The following CCZ1 variants were observed in gnomAD, a reference collection of about 807,000 sequenced individuals.
CCZ1 encodes CCZ1 vacuolar protein trafficking and biogenesis associated.
In CCZ1, 19 loss-of-function variants were observed where a neutral mutation model predicts 57.8. The ratio of observed to expected loss-of-function variants is 0.33; its 90% CI spans 0.23 to 0.48. CCZ1 has a LOEUF of 0.48. Among genes scored for constraint, CCZ1 ranks in the 20% least tolerant of loss-of-function variants. The pLI is 0.99. For missense variants in CCZ1, 200 were observed against 492.0 expected (o/e 0.41, Z 5.61); for synonymous variants, 81 against 167.0 (o/e 0.49, Z 3.97).
chr7:5,911,418 T>C (rs1178531107), intron 8 of CCZ1, among the ~76,000 whole-genome samples: 1 of 148,842 alleles, frequency 6.7e-6, no homozygotes, highest in Admixed American at 6.6e-5. Flanking sequence ...TCGTGTCACC[T>C]CAGCCTCCCA....
chr7:5,906,199 G>C (rs1366863395), intron 7 of CCZ1, among the ~76,000 whole-genome samples: 1 of 148,336 alleles, frequency 6.7e-6, no homozygotes, highest in Admixed American at 6.7e-5. Flanking sequence ...CCTGAGAGCT[G>C]GGTGGCAACC....
At chr7:5,905,984 C>A (rs147072385) in intron 7 of CCZ1, among the ~76,000 whole-genome samples, 27,004 of 137,622 alleles carry the variant, frequency 0.2, 2,440 homozygotes, top group Admixed American at 0.32. Context: ...CTCAAGCGAT[C>A]CACCCGCCTC....
intron 1 of CCZ1, 86 bp from the exon 2 acceptor site, chr7:5,900,198 A>C (rs1345553815): frequency 1.6e-5 from 22 of 1,405,862 alleles, no homozygotes; most frequent in Non-Finnish European, 2.1e-5. Context: ...TGTGTGACAC[A>C]AGAGGTCGAC....
chr7:5,912,662 A>G (rs1217777263), intron 9 of CCZ1, among the ~76,000 whole-genome samples, 181 bp from the exon 10 acceptor site: 1 of 150,888 alleles, frequency 6.6e-6, no homozygotes, highest in East Asian at 2.0e-4. Context: ...AGCCTCCCAA[A>G]GTGCTGGGAT....
chr7:5,910,240 T>A, intron 8 of CCZ1, 124 bp downstream of exon 8: 1 of 877,214 alleles, frequency 1.1e-6, no homozygotes. Flanking sequence ...CTTACTGTGA[T>A]ATTTGTGTCA....
chr7:5,900,716 A>G, intron 3 of CCZ1, 139 bp from the exon 4 acceptor site: 2 of 1,494,938 alleles, frequency 1.3e-6, no homozygotes, highest in South Asian at 1.3e-5. Flanking sequence ...AGTTCTTCCT[A>G]TTTGCTTTAT....
intron 7 of CCZ1, among the ~76,000 whole-genome samples, chr7:5,906,572 A>G (rs1226845676): frequency 2.0e-5 from 3 of 148,400 alleles, no homozygotes; most frequent in Non-Finnish European, 1.5e-5. Context: ...ATTCCCCTGC[A>G]TAGGCCTCCC....
intron 6 of CCZ1, among the ~76,000 whole-genome samples, 198 bp from the exon 7 acceptor site, chr7:5,904,896 T>C (rs1048250363): frequency 6.7e-6 from 1 of 148,384 alleles, no homozygotes; most frequent in Non-Finnish European, 1.5e-5. Context: ...TGTTTGAACT[T>C]TGTATCTTGG....
chr7:5,920,834 C>CT (rs1319766030), intron 12 of CCZ1, among the ~76,000 whole-genome samples: 9 of 114,128 alleles, frequency 7.9e-5, no homozygotes, highest in Non-Finnish European at 1.5e-4. Flanking sequence ...ATGGAAAGCA[C>CT]TTTGCGAAGT....
chr7:5,902,611 A>T, intron 5 of CCZ1, 50 bp from the exon 6 acceptor site: 1 of 1,540,556 alleles, frequency 6.5e-7, no homozygotes, highest in South Asian at 1.3e-5. Context: ...ATACTGAAAA[A>T]GTGAGCATAG....
intron 12 of CCZ1, among the ~76,000 whole-genome samples, chr7:5,922,887 A>G (rs1779271951): frequency 1.3e-5 from 2 of 150,326 alleles, no homozygotes; most frequent in African/African-American, 5.0e-5. Flanking sequence ...TAAAGGACCC[A>G]ATAATAAGTA....
chr7:5,908,364 T>G (rs1781884250), intron 7 of CCZ1, among the ~76,000 whole-genome samples: 2 of 119,158 alleles, frequency 1.7e-5, no homozygotes, highest in Non-Finnish European at 3.7e-5. Flanking sequence ...ATGTATTTAC[T>G]TAGTATATTG....
Position 5,913,045 on chromosome 7 carries a change from T to A in CCZ1, c.954+91T>A, listed in dbSNP as rs542341863. The A allele has an allele frequency of 1.4e-5, 19 of 1,373,444 alleles. No homozygotes were observed. The East Asian group carries it at 3.6e-4, about 26-fold the overall frequency. The allele number at this position is 1,373,444 out of a possible 1,614,324, so 85.1% of individuals were successfully genotyped here. On this transcript the variant is annotated intron_variant, in intron 10 of 14. Coordinates refer to ENST00000325974, the MANE Select transcript of CCZ1 (RefSeq NM_015622.6). ...CGAGTGCATGTGCAAACCTCTTAAA[T>A]GTTTCTTGGAAAAGATATTGGAAGT...
At chr7:5,920,930 T>C (rs1322912773) in intron 12 of CCZ1, among the ~76,000 whole-genome samples, 2 of 119,968 alleles carry the variant, frequency 1.7e-5, no homozygotes, top group Non-Finnish European at 3.6e-5. Flanking sequence ...ATGGTCTTAA[T>C]GTTCATACGT....
In CCZ1 at chr7:5,908,643, G is replaced by A. The variant is rs1427186614; in HGVS notation, c.699-1392G>A. On this transcript the variant is annotated intron_variant, in intron 7 of 14. Transcript: ENST00000325974. Reference sequence around the variant, plus strand: ...GATCTGCTCACCTTGGCTTCCCCAAGTGCTGGGATTACAGGTGTGAGCTTC... The same window carrying A: ...GATCTGCTCACCTTGGCTTCCCCAAATGCTGGGATTACAGGTGTGAGCTTC... Among the ~76,000 whole-genome samples, 28 of 147,674 alleles carry A rather than the reference G, an allele frequency of 1.9e-4. 1 individual carries two copies. Among genetic ancestry groups the A allele is most frequent in the Admixed American group, 1.8e-3 (27 of 14,920 alleles).
intron 7 of CCZ1, among the ~76,000 whole-genome samples, chr7:5,906,319 C>CT (rs1583183717): frequency 9.0e-6 from 1 of 111,460 alleles, no homozygotes; most frequent in African/African-American, 3.7e-5. Context: ...CACTTTCTTT[C>CT]TTTCTTTTTT....
At chr7:5,909,197 C>G (rs185423174) in intron 7 of CCZ1, among the ~76,000 whole-genome samples, 1 of 147,820 alleles carries the variant, frequency 6.8e-6, no homozygotes. Context: ...AGTGCCTGGA[C>G]TCAAGTTTAA....
At chr7:5,909,790 G>A (rs1174585793) in intron 7 of CCZ1, among the ~76,000 whole-genome samples, 3 of 149,996 alleles carry the variant, frequency 2.0e-5, no homozygotes, top group African/African-American at 2.5e-5. Flanking sequence ...AGTATACCAC[G>A]TAAATTCAGA....
At chr7:5,899,512 C>G (rs1472541509) in intron 1 of CCZ1, among the ~76,000 whole-genome samples, 1 of 127,186 alleles carries the variant, frequency 7.9e-6, no homozygotes, top group Admixed American at 8.1e-5. Context: ...AATCCCAGCA[C>G]TTTAGGAGGC....
Sources: gnomAD v4.1 joint callset for allele counts (sites outside exome capture counted in the v4.1 genomes callset) on GRCh38, gnomAD v4.1.1 for gene constraint, MANE v1.5 for transcripts, NCBI Gene and HGNC (gene_info 2026-07-23, HGNC 2026-07-21) for gene names.